The following PPARGC1A variants were observed in gnomAD, a reference collection of about 807,000 sequenced individuals.
PPARGC1A encodes the protein PPARG coactivator 1 alpha.
Under a neutral mutation model 88.7 loss-of-function variants are expected in PPARGC1A, and 25 were observed. The observed-to-expected ratio is 0.28, with a 90% CI of 0.21 to 0.39. The LOEUF (loss-of-function observed/expected upper bound fraction) is 0.39. Ranked by LOEUF, PPARGC1A falls within the 10% of genes least tolerant of loss-of-function variation. The probability of loss-of-function intolerance (pLI) is 1.00; values close to 1 mark genes in which losing one functional copy is unlikely to be tolerated. For synonymous variants in PPARGC1A, 363 were observed against 355.6 expected (o/e 1.02, Z -0.24); for missense variants, 880 against 968.7 (o/e 0.91, Z 1.22).
the PPARGC1A span, among the ~76,000 whole-genome samples, chr4:24,381,276 T>C: frequency 2.0e-5 from 3 of 152,188 alleles, no homozygotes; most frequent in East Asian, 3.8e-4. Flanking sequence ...GCAGTTTCAG[T>C]GGGTAGCATG....
chr4:24,349,243 T>A, the PPARGC1A span, among the ~76,000 whole-genome samples: 5 of 152,040 alleles, frequency 3.3e-5, no homozygotes, highest in African/African-American at 9.7e-5. Flanking sequence ...TTAGCTTTGG[T>A]GGTTTGATGC....
intron 2 of PPARGC1A, among the ~76,000 whole-genome samples, chr4:23,833,021 A>G (rs1185559340): frequency 6.6e-6 from 1 of 152,184 alleles, no homozygotes. Context: ...TTCACTTAAC[A>G]AACATTTTTG....
chr4:24,007,484 G>A, the PPARGC1A span, among the ~76,000 whole-genome samples: 10 of 152,164 alleles, frequency 6.6e-5, no homozygotes, highest in Non-Finnish European at 1.5e-5. Context: ...TGCTATGAAG[G>A]AGCACAGGGT....
intron 10 of PPARGC1A, among the ~76,000 whole-genome samples, chr4:23,803,328 G>A (rs1719139747): frequency 6.6e-6 from 1 of 152,058 alleles, no homozygotes; most frequent in African/African-American, 2.4e-5. Context: ...TAAAATGTAG[G>A]CCATTTTAAG....
chr4:23,982,422 C>T, the PPARGC1A span, among the ~76,000 whole-genome samples: 125,947 of 151,942 alleles, frequency 0.83, 52,311 homozygotes, highest in Non-Finnish European at 0.84. Flanking sequence ...CATGGCCATG[C>T]TCCTTTCTCC....
chr4:23,993,631 A>G, the PPARGC1A span, among the ~76,000 whole-genome samples: 1 of 152,082 alleles, frequency 6.6e-6, no homozygotes, highest in Non-Finnish European at 1.5e-5. Flanking sequence ...TGGAAAAGGT[A>G]AACAACTTGC....
the PPARGC1A span, among the ~76,000 whole-genome samples, chr4:24,134,157 C>T: frequency 7.3e-4 from 111 of 152,308 alleles, no homozygotes; most frequent in Non-Finnish European, 7.9e-4. Flanking sequence ...CCTTCCGATA[C>T]CTTTGCACCA....
chr4:24,462,686 G>A, the PPARGC1A span, among the ~76,000 whole-genome samples: 1 of 151,244 alleles, frequency 6.6e-6, no homozygotes, highest in Non-Finnish European at 1.5e-5. Context: ...GAATGTTACA[G>A]TAAGTGGTCT....
chr4:23,874,926 A>G (rs902210507), intron 2 of PPARGC1A, among the ~76,000 whole-genome samples: 17 of 152,236 alleles, frequency 1.1e-4, no homozygotes, highest in African/African-American at 4.1e-4. Context: ...CAAATGTGGG[A>G]TGAAATGAAG....
the PPARGC1A span, among the ~76,000 whole-genome samples, chr4:24,004,998 A>G: frequency 1.3e-5 from 2 of 152,178 alleles, no homozygotes; most frequent in South Asian, 2.1e-4. Context: ...GGGCTTTCCA[A>G]AAGGATTTAT....
At chr4:24,063,980 G>GA in the PPARGC1A span, among the ~76,000 whole-genome samples, 9 of 152,064 alleles carry the variant, frequency 5.9e-5, no homozygotes, top group Non-Finnish European at 1.2e-4. Context: ...ACTCAGCAGG[G>GA]AATCTGTGTT....
At chr4:24,470,441 C>A in the PPARGC1A span, among the ~76,000 whole-genome samples, 1 of 152,116 alleles carries the variant, frequency 6.6e-6, no homozygotes, top group Non-Finnish European at 1.5e-5. The surrounding 1 kb of genome is among the most constrained non-coding windows in gnomAD (Gnocchi z 5.8). Flanking sequence ...GTGGAGAGCA[C>A]CCAAGGCCCG....
At chr4:24,058,772 C>T in the PPARGC1A span, among the ~76,000 whole-genome samples, 2 of 152,078 alleles carry the variant, frequency 1.3e-5, no homozygotes, top group African/African-American at 4.8e-5. Flanking sequence ...ATGGAGAAAC[C>T]TCGTCTCTAC....
At chr4:24,164,563 T>TAC in the PPARGC1A span, among the ~76,000 whole-genome samples, 78 of 152,094 alleles carry the variant, frequency 5.1e-4, 1 homozygote, top group Middle Eastern at 3.4e-3. Flanking sequence ...CATGTATATA[T>TAC]ACACACACAC....
At chr4:24,035,107 C>T in the PPARGC1A span, among the ~76,000 whole-genome samples, 28,557 of 152,012 alleles carry the variant, frequency 0.19, 3,090 homozygotes, top group Admixed American at 0.34. Context: ...ACATGATATC[C>T]GGGAGATAGT....
chr4:23,818,390 G>C (rs57104536), intron 7 of PPARGC1A, among the ~76,000 whole-genome samples: 1 of 152,012 alleles, frequency 6.6e-6, no homozygotes, highest in Non-Finnish European at 1.5e-5. Flanking sequence ...TTTTATTGCC[G>C]CCTATTTTCT....
At chr4:24,057,517 A>C in the PPARGC1A span, among the ~76,000 whole-genome samples, 2 of 152,246 alleles carry the variant, frequency 1.3e-5, no homozygotes, top group Admixed American at 1.3e-4. Context: ...CAATGACATA[A>C]ATCAAAATGA....
chr4:23,940,816 C>A, the PPARGC1A span, among the ~76,000 whole-genome samples: 12 of 152,216 alleles, frequency 7.9e-5, no homozygotes, highest in East Asian at 2.3e-3. Flanking sequence ...CTGAGTCTTT[C>A]TTGGTTGCTT....
At chr4:24,091,985 T>C in the PPARGC1A span, among the ~76,000 whole-genome samples, 2 of 150,622 alleles carry the variant, frequency 1.3e-5, no homozygotes, top group Non-Finnish European at 2.9e-5. Flanking sequence ...ATTTGCATTG[T>C]TCTGCCAGGT....
Sources: allele counts gnomAD v4.1 joint callset (sites outside exome capture counted in the v4.1 genomes callset), GRCh38; gene constraint gnomAD v4.1.1; non-coding constraint Gnocchi (gnomAD v3.1); transcripts MANE v1.5; gene names NCBI Gene and HGNC (gene_info 2026-07-23, HGNC 2026-07-21).